CYRIA: variants seen among roughly 807,000 people sequenced by gnomAD.
The protein encoded by CYRIA is CYFIP related Rac1 interactor A.
A neutral mutation model predicts 43.9 loss-of-function variants in CYRIA; 15 were observed. That is an observed-to-expected ratio of 0.34 (90% CI 0.23 to 0.53). CYRIA has a LOEUF of 0.53. Among genes scored for constraint, CYRIA ranks in the 20% least tolerant of loss-of-function variants. The pLI is 0.94. For synonymous variants in CYRIA, 117 were observed against 136.0 expected (o/e 0.86, Z 0.97); for missense variants, 236 against 394.2 (o/e 0.60, Z 3.40).
chr2:16,620,798 G>C (rs570919937), intron 2 of CYRIA, among the ~76,000 whole-genome samples: 2 of 152,216 alleles, frequency 1.3e-5, no homozygotes, highest in Non-Finnish European at 2.9e-5. Context: ...AGGTGCACAG[G>C]ATTCCCCGAG....
chr2:16,622,928 C>T (rs1050940101), intron 2 of CYRIA: 2 of 152,246 alleles, frequency 1.3e-5, no homozygotes, highest in Non-Finnish European at 2.9e-5. Flanking sequence ...TTAGATATCA[C>T]CTGGTCTTAC....
intron 2 of CYRIA, among the ~76,000 whole-genome samples, chr2:16,592,388 T>C (rs1378527053): frequency 6.6e-6 from 1 of 152,076 alleles, no homozygotes; most frequent in Non-Finnish European, 1.5e-5. Context: ...CAACATCCTT[T>C]ATTTGGATGT....
intron 2 of CYRIA, among the ~76,000 whole-genome samples, chr2:16,614,657 A>G (rs575527733): frequency 3.9e-4 from 59 of 152,314 alleles, no homozygotes; most frequent in Non-Finnish European, 6.6e-4. Context: ...TCCCCAGCTC[A>G]TATCATCTGA....
intron 1 of CYRIA, among the ~76,000 whole-genome samples, chr2:16,656,380 A>C (rs1670113439): frequency 6.6e-6 from 1 of 152,100 alleles, no homozygotes; most frequent in African/African-American, 2.4e-5. Flanking sequence ...ATACACTCAC[A>C]AGTCCAGGCC....
intron 3 of CYRIA, among the ~76,000 whole-genome samples, chr2:16,586,945 T>A (rs549088726): frequency 6.6e-6 from 1 of 152,126 alleles, no homozygotes; most frequent in African/African-American, 2.4e-5. Context: ...ATGAGCTTAG[T>A]TTGAGCAAAC....
At chr2:16,643,261 T>C (rs1572199447) in intron 1 of CYRIA, among the ~76,000 whole-genome samples, 1 of 152,182 alleles carries the variant, frequency 6.6e-6, no homozygotes, top group African/African-American at 2.4e-5. Flanking sequence ...ACTTTAGTCG[T>C]TCATCCTTGA....
At chr2:16,657,749 T>C (rs1459469834) in intron 1 of CYRIA, among the ~76,000 whole-genome samples, 1 of 152,170 alleles carries the variant, frequency 6.6e-6, no homozygotes, top group Non-Finnish European at 1.5e-5. Context: ...AGAAATGTCT[T>C]TTAGAAAGGT....
chr2:16,559,467 T>C lies in CYRIA; in HGVS notation c.830A>G (p.Lys277Arg), dbSNP rs775772258. The change falls in exon 10 of 12, where the codon AAG (lysine) becomes AGG (arginine). Residue 277 changes from lysine to arginine, a missense_variant. This residue lies in a region of CYRIA where 40 missense variants were observed against 62.2 expected (regional missense o/e 0.64). Transcript: ENST00000381323. ...TTTCACAACTATTCTTACATCGATC[T>C]TGGATGTCTTGCAGAAAGCTCCCAC... ...HPVGAFCKTSKIDMKGCIKVL... is the reference protein window; with the variant it reads ...HPVGAFCKTSRIDMKGCIKVL... 1.2e-6 allele frequency: 2 copies of C among 1,612,550 alleles called. No homozygotes were observed. Among genetic ancestry groups the C allele is most frequent in the Non-Finnish European group, 1.7e-6 (2 of 1,179,240 alleles).
chr2:16,614,953 C>A (rs1288359675), intron 2 of CYRIA, among the ~76,000 whole-genome samples: 1 of 152,206 alleles, frequency 6.6e-6, no homozygotes, highest in Admixed American at 6.5e-5. Context: ...GAAGACCATT[C>A]CCTTCTGTGT....
chr2:16,552,981 C>T lies in CYRIA; in HGVS notation c.927G>A (p.Leu309=), dbSNP rs146795138. ...LNALRFTTKH[L]NDESTSKQIR... ...TCTGTTTGGAAGTTGATTCATCGTT[C>T]AAGTGCTTTGTAGTGAACCTGGATG... Residue 309 remains leucine, a synonymous_variant, in exon 12 of 12, where the codon TTG becomes TTA. Coordinates refer to ENST00000381323, the MANE Select transcript of CYRIA (RefSeq NM_030797.4). 5.6e-6 allele frequency: 9 copies of T among 1,609,942 alleles called. No homozygotes were observed. Among genetic ancestry groups the T allele is most frequent in the Non-Finnish European group, 7.6e-6 (9 of 1,176,494 alleles).
At chr2:16,652,270 T>A (rs1162870914) in intron 1 of CYRIA, among the ~76,000 whole-genome samples, 1 of 152,176 alleles carries the variant, frequency 6.6e-6, no homozygotes, top group Non-Finnish European at 1.5e-5. Context: ...TCTAACCCTA[T>A]GAGCTACTTG....
chr2:16,663,341 G>A (rs933694080), intron 1 of CYRIA, among the ~76,000 whole-genome samples: 3 of 152,234 alleles, frequency 2.0e-5, no homozygotes, highest in Non-Finnish European at 4.4e-5. Flanking sequence ...ATTTGACACT[G>A]AGGCTGCTGA....
At chr2:16,639,708 G>C (rs1464278298) in intron 1 of CYRIA, among the ~76,000 whole-genome samples, 2 of 152,226 alleles carry the variant, frequency 1.3e-5, no homozygotes, top group African/African-American at 4.8e-5. Context: ...GGGGGGAAGA[G>C]CGTGTCTGTA....
Position 16,614,325 on chromosome 2 carries a change from G to T in CYRIA, c.-11+9539C>A, listed in dbSNP as rs577222274. Among the ~76,000 whole-genome samples, 10 of 152,288 alleles carry T rather than the reference G, an allele frequency of 6.6e-5. No homozygotes were observed. In the East Asian group the frequency reaches 1.7e-3, roughly 27 times the overall value. ...CAAGAGAAGGCAGCAAAGTCCTCATGGAACTTCCCTGTTTAGATTGATAAG... is the reference window on the plus strand; with the variant it reads ...CAAGAGAAGGCAGCAAAGTCCTCATTGAACTTCCCTGTTTAGATTGATAAG... On this transcript the variant is annotated intron_variant, in intron 2 of 11. Transcript: ENST00000381323.
intron 5 of CYRIA, 94 bp downstream of exon 5, chr2:16,563,894 AC>A: frequency 2.5e-6 from 2 of 798,174 alleles, no homozygotes; most frequent in Non-Finnish European, 4.0e-6. Context: ...TGGATGTGGG[AC>A]ATTTTCCAAT....
At chr2:16,607,575 C>T (rs1668451520) in intron 2 of CYRIA, among the ~76,000 whole-genome samples, 2 of 152,130 alleles carry the variant, frequency 1.3e-5, no homozygotes, top group Admixed American at 1.3e-4. Flanking sequence ...GGAAGGGCTC[C>T]TGCCTCCTTG....
chr2:16,638,105 C>T (rs986333653), intron 1 of CYRIA, among the ~76,000 whole-genome samples: 3 of 152,132 alleles, frequency 2.0e-5, no homozygotes, highest in South Asian at 2.1e-4. Context: ...ACACAGTTAC[C>T]GAAGCCTACC....
intron 3 of CYRIA, among the ~76,000 whole-genome samples, chr2:16,572,535 A>G (rs1043949668): frequency 6.6e-6 from 1 of 152,180 alleles, no homozygotes; most frequent in African/African-American, 2.4e-5. Context: ...AACAGATGAA[A>G]GAAGAAACCA....
intron 3 of CYRIA, among the ~76,000 whole-genome samples, chr2:16,580,494 T>A (rs1667515242): frequency 1.3e-5 from 2 of 152,266 alleles, no homozygotes; most frequent in Admixed American, 1.3e-4. Context: ...AATTAAATGA[T>A]ATATAAATAA....
Sources: gnomAD v4.1 joint callset for allele counts (sites outside exome capture counted in the v4.1 genomes callset) on GRCh38, gnomAD v4.1.1 for gene constraint, gnomAD v4.1.1 regional missense constraint, MANE v1.5 for transcripts, NCBI Gene and HGNC (gene_info 2026-07-23, HGNC 2026-07-21) for gene names.